UBE2H: variants seen among roughly 807,000 people sequenced by gnomAD.
The protein encoded by UBE2H is ubiquitin conjugating enzyme E2 H.
UBE2H carries 3 observed loss-of-function variants against 29.0 expected under a neutral mutation model. The observed-to-expected ratio is 0.10, with a 90% CI of 0.05 to 0.27. The LOEUF (loss-of-function observed/expected upper bound fraction) is 0.27, where lower values mean the gene tolerates loss of function less well. UBE2H is among the 10% of genes least tolerant of loss of function. The probability of loss-of-function intolerance (pLI) is 1.00; values close to 1 mark genes in which losing one functional copy is unlikely to be tolerated. For synonymous variants in UBE2H, 69 were observed against 82.9 expected (o/e 0.83, Z 0.91); for missense variants, 68 against 228.2 (o/e 0.30, Z 4.52).
At chr7:129,931,398 A>G (rs772137961) in intron 1 of UBE2H, among the ~76,000 whole-genome samples, 4 of 152,122 alleles carry the variant, frequency 2.6e-5, no homozygotes, top group Admixed American at 6.6e-5. Flanking sequence ...GGGGAAAGAA[A>G]AAAAAAACCT....
At position 129,839,343 on chromosome 7, in the gene UBE2H, A is replaced by G. The variant is rs1469017028; in HGVS notation, c.299-8T>C. The G allele has an allele frequency of 6.2e-7, 1 of 1,612,324 alleles. No individual in the cohort carries two copies. The highest frequency in any genetic ancestry group is 8.5e-7 in the Non-Finnish European group (1 of 1,179,430). The stretch of plus-strand genomic sequence containing the variant: ...CAAATATATTGGTAAGATCTGAAAA[A>G]CCAAACAAACATGTCACACATGGGA... On this transcript the variant is annotated splice_polypyrimidine_tract_variant and splice_region_variant and intron_variant, in intron 5 of 6. Transcript: ENST00000355621.
chr7:129,918,034 ACT>A (rs1176383981), intron 1 of UBE2H, among the ~76,000 whole-genome samples: 4 of 152,006 alleles, frequency 2.6e-5, no homozygotes, highest in African/African-American at 7.2e-5. Context: ...TCAAAACACG[ACT>A]CTCTGTAATT....
chr7:129,887,242 G>C (rs185673029), intron 1 of UBE2H, among the ~76,000 whole-genome samples: 1 of 119,112 alleles, frequency 8.4e-6, no homozygotes, highest in Non-Finnish European at 1.7e-5. Flanking sequence ...TTTTTTTTGA[G>C]ATGGAGTCTT....
intron 4 of UBE2H, among the ~76,000 whole-genome samples, chr7:129,858,057 A>C (rs780345945): frequency 6.6e-6 from 1 of 152,228 alleles, no homozygotes; most frequent in Non-Finnish European, 1.5e-5. Flanking sequence ...AGTTTAAAGA[A>C]ACATGACAAC....
At chr7:129,916,596 G>T (rs926098001) in intron 1 of UBE2H, among the ~76,000 whole-genome samples, 3 of 152,056 alleles carry the variant, frequency 2.0e-5, no homozygotes, top group Admixed American at 6.6e-5. Flanking sequence ...CTAGGGGGAA[G>T]GAAAGCAGCC....
intron 1 of UBE2H, among the ~76,000 whole-genome samples, chr7:129,946,323 T>C (rs1451491643): frequency 2.0e-5 from 3 of 151,658 alleles, no homozygotes; most frequent in Non-Finnish European, 4.4e-5. Context: ...CCTCCCAAAG[T>C]GTTGGGATTA....
intron 3 of UBE2H, among the ~76,000 whole-genome samples, chr7:129,868,084 C>T (rs1805950050): frequency 6.6e-6 from 1 of 151,896 alleles, no homozygotes; most frequent in Non-Finnish European, 1.5e-5. Flanking sequence ...AAAAGGAAGC[C>T]AAAAATACTT....
chr7:129,952,154 G>C (rs975443371), intron 1 of UBE2H, among the ~76,000 whole-genome samples: 1 of 151,876 alleles, frequency 6.6e-6, no homozygotes, highest in Non-Finnish European at 1.5e-5. Context: ...AAACAGGAGA[G>C]AGAAACCCTG....
chr7:129,861,409 C>T (rs1805799931), intron 3 of UBE2H, among the ~76,000 whole-genome samples: 3 of 152,112 alleles, frequency 2.0e-5, no homozygotes, highest in Non-Finnish European at 4.4e-5. Context: ...CAAATCTCAT[C>T]ACCACCTCAC....
At chr7:129,925,888 C>A (rs1807258799) in intron 1 of UBE2H, among the ~76,000 whole-genome samples, 1 of 152,162 alleles carries the variant, frequency 6.6e-6, no homozygotes, top group African/African-American at 2.4e-5. Context: ...CCCTTATCTG[C>A]CTCCCTAACT....
chr7:129,919,565 C>A (rs1036804195), intron 1 of UBE2H, among the ~76,000 whole-genome samples: 2 of 152,174 alleles, frequency 1.3e-5, no homozygotes, highest in Non-Finnish European at 2.9e-5. Context: ...CGGAATGCCC[C>A]TCAACTCCAC....
chr7:129,918,891 TG>T (rs1451421082), intron 1 of UBE2H, among the ~76,000 whole-genome samples: 5 of 152,056 alleles, frequency 3.3e-5, no homozygotes, highest in African/African-American at 9.7e-5. Flanking sequence ...GAAATCAGCC[TG>T]GGCAACATGG....
chr7:129,925,763 T>C (rs1156522585), intron 1 of UBE2H, among the ~76,000 whole-genome samples: 1 of 152,160 alleles, frequency 6.6e-6, no homozygotes, highest in East Asian at 1.9e-4. Flanking sequence ...TTCCTCCCAC[T>C]GCATGAAACA....
At chr7:129,867,719 AAAAC>A (rs1805937632) in intron 3 of UBE2H, among the ~76,000 whole-genome samples, 1 of 58,634 alleles carries the variant, frequency 1.7e-5, no homozygotes, top group Non-Finnish European at 3.3e-5. Flanking sequence ...AAAAAAAAAG[AAAAC>A]CAAAAAAAAA....
chr7:129,911,335 C>T (rs1806932398), intron 1 of UBE2H, among the ~76,000 whole-genome samples: 1 of 150,246 alleles, frequency 6.7e-6, no homozygotes, highest in Non-Finnish European at 1.5e-5. Context: ...ACCATTGCAC[C>T]ACTCCAGCCT....
intron 1 of UBE2H, among the ~76,000 whole-genome samples, chr7:129,939,955 T>C (rs1367611646): frequency 2.7e-5 from 4 of 147,718 alleles, no homozygotes; most frequent in East Asian, 2.0e-4. Flanking sequence ...TGAGACTCCA[T>C]CTCAAAAAAA....
intron 5 of UBE2H, among the ~76,000 whole-genome samples, chr7:129,842,264 C>T (rs371280877): frequency 2.6e-5 from 4 of 152,274 alleles, no homozygotes; most frequent in Middle Eastern, 3.4e-3. Context: ...AACCCTGTCC[C>T]TACTAAAAAA....
intron 1 of UBE2H, among the ~76,000 whole-genome samples, chr7:129,884,413 T>C (rs1475955853): frequency 7.1e-6 from 1 of 140,304 alleles, no homozygotes; most frequent in African/African-American, 2.6e-5. Flanking sequence ...CAAGACTCCA[T>C]CTCAAAAAAA....
chr7:129,944,730 ACACACACACACACACACACACG>A (rs1278989105), intron 1 of UBE2H, among the ~76,000 whole-genome samples: 54 of 130,008 alleles, frequency 4.2e-4, no homozygotes, highest in Admixed American at 2.6e-3. Context: ...ACACACACAC[ACACACACACACACACACACACG>A]CACGCACGCA....
Sources: gnomAD v4.1 joint callset for allele counts (sites outside exome capture counted in the v4.1 genomes callset) on GRCh38, gnomAD v4.1.1 for gene constraint, MANE v1.5 for transcripts, NCBI Gene and HGNC (gene_info 2026-07-23, HGNC 2026-07-21) for gene names.